The following MICALL2 variants were observed in gnomAD, a reference collection of about 807,000 sequenced individuals.
The protein encoded by MICALL2 is MICAL like 2, also known as MICAL-like protein 2.
MICALL2 carries 111 observed loss-of-function variants against 91.1 expected under a neutral mutation model. The ratio of observed to expected loss-of-function variants is 1.22; its 90% CI spans 1.04 to 1.43. MICALL2 has a LOEUF of 1.43. Ranked by LOEUF, MICALL2 falls within the 40% of genes most tolerant of loss-of-function variation. MICALL2 has a pLI of 0.00. For missense variants in MICALL2, 1,556 were observed against 1,236.0 expected (o/e 1.26, Z -3.88); for synonymous variants, 694 against 525.3 (o/e 1.32, Z -4.39).
Position 1,434,683 on chromosome 7 carries a change from G to T in MICALL2, c.2639-11C>A. ...TCTTCCTCTGGAGGCCTAGGGGACAGGTGGACAGTGAGGCCGTGCTCAACG... is the reference window on the plus strand; with the variant it reads ...TCTTCCTCTGGAGGCCTAGGGGACATGTGGACAGTGAGGCCGTGCTCAACG... On this transcript the variant is annotated splice_polypyrimidine_tract_variant and intron_variant, in intron 16 of 16. Transcript: ENST00000297508. 2 of 1,544,568 alleles carry T rather than the reference G, an allele frequency of 1.3e-6. No individual in the cohort carries two copies. The highest frequency in any genetic ancestry group is 2.8e-5 in the African/African-American group (2 of 72,162).
chr7:1,435,840 G>A (rs1176659448), intron 15 of MICALL2, among the ~76,000 whole-genome samples: 2 of 151,552 alleles, frequency 1.3e-5, no homozygotes, highest in Admixed American at 1.3e-4. Flanking sequence ...GGATCACGAG[G>A]TCAGATCGAG....
intron 1 of MICALL2, among the ~76,000 whole-genome samples, chr7:1,457,570 A>G (rs1359039218): frequency 1.3e-5 from 2 of 152,206 alleles, no homozygotes; most frequent in South Asian, 4.1e-4. Flanking sequence ...CAGGTACTCA[A>G]TAACTGTCAG....
At chr7:1,455,442 C>T (rs937638937) in intron 1 of MICALL2, among the ~76,000 whole-genome samples, 5 of 152,220 alleles carry the variant, frequency 3.3e-5, no homozygotes, top group Non-Finnish European at 5.9e-5. Flanking sequence ...CAGGCGGGCA[C>T]AGGCAGGCTG....
rs376962730 is a variant in MICALL2 at position 1,448,786 on chromosome 7, C to A, written c.193-25G>T. 21 of 1,610,222 alleles carry A rather than the reference C, an allele frequency of 1.3e-5. No individual in the cohort carries two copies. In the South Asian group the frequency reaches 2.0e-4, roughly 15 times the overall value. ...CCTGCGAAAGGTGGGAGGGGGTCAGCGGGGCAGCTGGGAGCCCCCTCCTTC... is the reference window on the plus strand; with the variant it reads ...CCTGCGAAAGGTGGGAGGGGGTCAGAGGGGCAGCTGGGAGCCCCCTCCTTC... On this transcript the variant is annotated intron_variant, in intron 2 of 16. Transcript: ENST00000297508.
In MICALL2 at chr7:1,438,820, G is replaced by C. The variant is rs377470318; in HGVS notation, c.2122+20C>G. On this transcript the variant is annotated intron_variant, in intron 10 of 16. Coordinates refer to ENST00000297508, the MANE Select transcript of MICALL2 (RefSeq NM_182924.4). The stretch of plus-strand genomic sequence containing the variant: ...CCCTTCACGTACACCCCAAACAGCA[G>C]CGGTGTCTCTGGGGCTGACCTGGTT... 6.3e-7 allele frequency: 1 copy of C among 1,585,642 alleles called. No homozygotes were observed. The highest frequency in any genetic ancestry group is 8.6e-7 in the Non-Finnish European group (1 of 1,161,716).
chr7:1,453,195 G>A (rs968230324), intron 1 of MICALL2, among the ~76,000 whole-genome samples: 9 of 152,032 alleles, frequency 5.9e-5, no homozygotes, highest in Non-Finnish European at 8.8e-5. Flanking sequence ...ATTCCACCAC[G>A]TGACCTTATT....
rs551695768 is a variant in MICALL2, at chr7:1,440,682, T to C, written c.1714A>G (p.Met572Val). ...KGKSTTLTQDMSTSLQEGQED... is the reference protein window; with the variant it reads ...KGKSTTLTQDVSTSLQEGQED... ...TGGCCTTCCTGGAGGCTGGTGCTCA[T>C]GTCTGGGTGGGAGGCAAGGGGTCTG... is the stretch of plus-strand genomic sequence containing the variant. Residue 572 changes from methionine to valine, a missense_variant and splice_region_variant, in exon 8 of 17, where the codon ATG becomes GTG. Transcript: ENST00000297508. The C allele has an allele frequency of 4.0e-5, 65 of 1,611,264 alleles. 1 individual carries two copies. In the Admixed American group the frequency reaches 8.0e-4, roughly 20 times the overall value.
chr7:1,455,643 G>A (rs962712485), intron 1 of MICALL2, among the ~76,000 whole-genome samples: 1 of 151,922 alleles, frequency 6.6e-6, no homozygotes, highest in African/African-American at 2.4e-5. Context: ...CCTCCACCCG[G>A]GGTCGGTGGG....
chr7:1,457,406 C>A (rs1781059389), intron 1 of MICALL2, among the ~76,000 whole-genome samples: 1 of 152,220 alleles, frequency 6.6e-6, no homozygotes, highest in South Asian at 2.1e-4. Context: ...CCTCTCTCTC[C>A]CGCCTCCTTC....
Position 1,452,592 on chromosome 7 carries a change from C to T in MICALL2, c.144-2304G>A, listed in dbSNP as rs1231864020. On this transcript the variant is annotated intron_variant, in intron 1 of 16. Transcript: ENST00000297508. This position sits in a 1 kb window ranked among gnomAD's most constrained non-coding sequence, Gnocchi z 6.2. Reference sequence around the variant, plus strand: ...CAAGCAGGAGGAGGAGGCTGTCTGCCTCCCGCACTTGTTTCCGTCCACCCC... The same window carrying T: ...CAAGCAGGAGGAGGAGGCTGTCTGCTTCCCGCACTTGTTTCCGTCCACCCC... Among the ~76,000 whole-genome samples the T allele has an allele frequency of 2.6e-5, 4 of 152,290 alleles. No homozygotes were observed. Among genetic ancestry groups the T allele is most frequent in the African/African-American group, 7.2e-5 (3 of 41,568 alleles).
At chr7:1,436,710 G>C (rs1157208497) in intron 15 of MICALL2, 32 bp downstream of exon 15, 1 of 1,556,198 alleles carries the variant, frequency 6.4e-7, no homozygotes, top group African/African-American at 1.4e-5. Flanking sequence ...ACCTGGCCTG[G>C]CTGGGAGGGG....
Position 1,456,277 on chromosome 7 carries a change from C to G in MICALL2, c.143+2907G>C, listed in dbSNP as rs568599926. Among the ~76,000 whole-genome samples, 3 of 152,138 alleles carry G rather than the reference C, an allele frequency of 2.0e-5. No individual in the cohort carries two copies. In the East Asian group the frequency reaches 5.8e-4, roughly 29 times the overall value. ...CTCAATTTAAAAAAGAAACAATATG[C>G]TGAGTGAAAGTAGCCAGACACAGGC... On this transcript the variant is annotated intron_variant, in intron 1 of 16. Transcript: ENST00000297508.
intron 2 of MICALL2, among the ~76,000 whole-genome samples, chr7:1,449,183 GC>G (rs1387335516): frequency 1.3e-5 from 2 of 152,248 alleles, no homozygotes; most frequent in Non-Finnish European, 2.9e-5. Context: ...ACAGGTGAGG[GC>G]CGCTAGAGGC....
In MICALL2 at chr7:1,438,176, C is replaced by A. The variant is rs546678954; in HGVS notation, c.2232G>T (p.Leu744=). The A allele has an allele frequency of 6.4e-7, 1 of 1,571,262 alleles. No homozygotes were observed. Among genetic ancestry groups the A allele is most frequent in the Admixed American group, 1.9e-5 (1 of 54,034 alleles). ...YLSPEEIQRQ[L]QDIERRLDAL... is the part of the protein sequence containing the mutation. The stretch of plus-strand genomic sequence containing the variant: ...CGTCCAGCCGCCTCTCGATGTCCTG[C>A]AGCTGCCTCTGTATCTCCTCCGGGG... The change falls in exon 12 of 17, where the codon CTG becomes CTT. Residue 744 remains leucine, a synonymous_variant. Coordinates refer to ENST00000297508, the MANE Select transcript of MICALL2 (RefSeq NM_182924.4).
In MICALL2 at chr7:1,434,559, T is replaced by G; in HGVS notation, c.*37A>C. The G allele has an allele frequency of 6.4e-7, 1 of 1,566,658 alleles. No individual in the cohort carries two copies. ...CCATGGCCCCGAGTCCAAGTCCGGATGCCAGGTCCGGGCCGAGCCCACGGC... is the reference window on the plus strand; with the variant it reads ...CCATGGCCCCGAGTCCAAGTCCGGAGGCCAGGTCCGGGCCGAGCCCACGGC... On this transcript the variant is annotated 3_prime_UTR_variant, in exon 17 of 17. Transcript: ENST00000297508.
intron 1 of MICALL2, among the ~76,000 whole-genome samples, chr7:1,453,601 C>A (rs924485462): frequency 6.6e-5 from 10 of 152,186 alleles, no homozygotes; most frequent in African/African-American, 2.2e-4. Flanking sequence ...AGCTTCCCCC[C>A]ACTCAGCAAG....
Position 1,434,371 on chromosome 7 carries a change from T to TGGTCGG in MICALL2, c.*219_*224dup. On this transcript the variant is annotated 3_prime_UTR_variant, in exon 17 of 17. Transcript: ENST00000297508. ...AGGCACGTAGGAGTCCGGGGCCATG[T>TGGTCGG]GGTCGGTTTCTTTATTGAGACCACA... 1.5e-6 allele frequency: 1 copy of TGGTCGG among 661,186 alleles called. No homozygotes were observed. 41.0% of individuals were successfully genotyped at this position (661,186 alleles called of 1,614,324 possible). A position where few individuals can be genotyped will look rare whatever the true frequency, so the allele number is the denominator to read the frequency against.
intron 1 of MICALL2, among the ~76,000 whole-genome samples, chr7:1,456,607 A>AATAG (rs1781027819): frequency 3.9e-5 from 6 of 151,900 alleles, no homozygotes; most frequent in African/African-American, 1.5e-4. Context: ...TAAATAAATA[A>AATAG]ATAGATAAAA....
chr7:1,456,023 TGAG>T (rs1433614555), intron 1 of MICALL2, among the ~76,000 whole-genome samples: 1 of 151,792 alleles, frequency 6.6e-6, no homozygotes, highest in Admixed American at 6.6e-5. Context: ...AAGGGCTGCA[TGAG>T]GAGACCTCCA....
Sources: allele counts gnomAD v4.1 joint callset (sites outside exome capture counted in the v4.1 genomes callset), GRCh38; gene constraint gnomAD v4.1.1; non-coding constraint Gnocchi (gnomAD v3.1); transcripts MANE v1.5; gene names NCBI Gene and HGNC (gene_info 2026-07-23, HGNC 2026-07-21).